The following DGKB variants were observed in gnomAD, a reference collection of about 807,000 sequenced individuals.
The protein encoded by DGKB is diacylglycerol kinase beta.
Under a neutral mutation model 114.3 loss-of-function variants are expected in DGKB, and 67 were observed. That is an observed-to-expected ratio of 0.59 (90% CI 0.48 to 0.72). The LOEUF is 0.72. Ranked by LOEUF, DGKB falls within the 30% of genes least tolerant of loss-of-function variation. The pLI, the probability that DGKB is intolerant of heterozygous loss-of-function variation, is 0.00. For synonymous variants in DGKB, 398 were observed against 323.1 expected, an observed-to-expected ratio of 1.23 and a Z score of -2.49; for missense variants, 907 against 975.2, an observed-to-expected ratio of 0.93 and a Z score of 0.93.
chr7:14,607,567 TA>T, intron 16 of DGKB, 59 bp from the exon 17 acceptor site: 1 of 724,652 alleles, frequency 1.4e-6, no homozygotes, highest in Non-Finnish European at 2.4e-6. Context: ...TTAAAATAAG[TA>T]ATGTCTCTCA....
At chr7:14,568,994 C>T (rs1295347145) in intron 20 of DGKB, among the ~76,000 whole-genome samples, 2 of 152,156 alleles carry the variant, frequency 1.3e-5, no homozygotes, top group Admixed American at 6.5e-5. Context: ...AGATGCATCC[C>T]ATATGCTTTA....
At chr7:14,899,411 T>G (rs140230514) in intron 1 of DGKB, among the ~76,000 whole-genome samples, 1,756 of 152,200 alleles carry the variant, frequency 0.012, 24 homozygotes, top group Non-Finnish European at 0.016. Flanking sequence ...TAAAGAGATG[T>G]TTTGAGTCTG....
intron 8 of DGKB, among the ~76,000 whole-genome samples, chr7:14,696,539 C>A (rs6958718): frequency 0.037 from 4,805 of 130,806 alleles, 298 homozygotes; most frequent in African/African-American, 0.12. Flanking sequence ...AAAAAGAAAC[C>A]TGAATGGAAA....
chr7:14,433,898 A>G (rs560921713), intron 21 of DGKB, among the ~76,000 whole-genome samples: 2 of 152,204 alleles, frequency 1.3e-5, no homozygotes, highest in African/African-American at 2.4e-5. Context: ...TAGCCCAAAG[A>G]TAATTTTATA....
At chr7:14,442,786 T>C (rs541508761) in intron 21 of DGKB, among the ~76,000 whole-genome samples, 2 of 152,272 alleles carry the variant, frequency 1.3e-5, no homozygotes, top group African/African-American at 4.8e-5. Flanking sequence ...GCTGAAGCCA[T>C]CCTCCTGCCT....
chr7:14,570,575 T>C (rs1225487440), intron 20 of DGKB, among the ~76,000 whole-genome samples: 1 of 152,116 alleles, frequency 6.6e-6, no homozygotes, highest in Non-Finnish European at 1.5e-5. Context: ...TATTATATAC[T>C]GTATTCTTAC....
intron 8 of DGKB, among the ~76,000 whole-genome samples, chr7:14,697,273 T>G (rs1162693016): frequency 3.9e-5 from 6 of 152,164 alleles, no homozygotes; most frequent in Non-Finnish European, 5.9e-5. Flanking sequence ...GGCAAGTAAT[T>G]TTAACATATT....
intron 2 of DGKB, among the ~76,000 whole-genome samples, chr7:14,827,463 A>G (rs984358275): frequency 1.3e-5 from 2 of 151,814 alleles, no homozygotes; most frequent in African/African-American, 4.8e-5. Context: ...AGACAGACAG[A>G]CTAACTACAC....
intron 15 of DGKB, 51 bp downstream of exon 15, chr7:14,621,327 T>G (rs1807601420): frequency 9.0e-7 from 1 of 1,105,520 alleles, no homozygotes. Flanking sequence ...CTTTAGAGCC[T>G]AGAAGTATCA....
intron 25 of DGKB, among the ~76,000 whole-genome samples, chr7:14,166,430 G>C (rs1355120778): frequency 1.3e-5 from 2 of 152,116 alleles, no homozygotes; most frequent in African/African-American, 4.8e-5. Flanking sequence ...ATGAAAATGG[G>C]GAATAATCTA....
At chr7:14,619,475 G>C (rs558750113) in intron 15 of DGKB, among the ~76,000 whole-genome samples, 24 of 151,426 alleles carry the variant, frequency 1.6e-4, no homozygotes, top group African/African-American at 5.1e-4. Context: ...TTTGATGTCC[G>C]GGCAAATTGA....
Position 14,176,849 on chromosome 7 carries a change from G to A in DGKB, c.2294C>T (p.Thr765Ile). The change falls in exon 25 of 26, where the codon ACC becomes ATC. Residue 765 changes from threonine to isoleucine, a missense_variant. Thr to Ile is a moderately conservative substitution (Grantham distance 89). Transcript: ENST00000402815. ...CTACTCTGTACTCACTGTGCATGGG[G>A]TCTGCATCCATGGCTCCCCATCAAT... ...MQIDGEPWMQ[T>I]PCTIKITHKN... 1 of 1,613,900 alleles carries A rather than the reference G, an allele frequency of 6.2e-7. No individual in the cohort carries two copies. Among genetic ancestry groups the A allele is most frequent in the South Asian group, 1.1e-5 (1 of 91,084 alleles).
intron 1 of DGKB, among the ~76,000 whole-genome samples, chr7:14,970,361 G>A (rs1353283414): frequency 6.6e-6 from 1 of 151,912 alleles, no homozygotes; most frequent in Non-Finnish European, 1.5e-5. Flanking sequence ...CAAACAAATA[G>A]TATGGTTTCC....
rs374209665 is a variant in DGKB, at chr7:14,884,208, T to C, written c.-188+18384A>G. On this transcript the variant is annotated intron_variant, in intron 1 of 25. Transcript: ENST00000402815. ...TCAGCCATGTTCCAATAAAACTTTA[T>C]TTACAAATACAATCAGACCCTTGTT... Among the ~76,000 whole-genome samples the C allele has an allele frequency of 3.3e-5, 5 of 152,084 alleles. No individual in the cohort carries two copies. In the East Asian group the frequency reaches 5.8e-4, roughly 18 times the overall value.
At chr7:14,374,497 G>A (rs1388160875) in intron 21 of DGKB, among the ~76,000 whole-genome samples, 1 of 152,122 alleles carries the variant, frequency 6.6e-6, no homozygotes, top group African/African-American at 2.4e-5. Flanking sequence ...ATCAAGTCTT[G>A]CCAACTCCAC....
At chr7:14,859,316 T>C (rs1321632352) in intron 1 of DGKB, among the ~76,000 whole-genome samples, 1 of 152,138 alleles carries the variant, frequency 6.6e-6, no homozygotes, top group African/African-American at 2.4e-5. Flanking sequence ...AGTCTGAGGC[T>C]CCTTTGTCAG....
chr7:14,360,369 G>A (rs960376785), intron 21 of DGKB, among the ~76,000 whole-genome samples: 7 of 151,938 alleles, frequency 4.6e-5, no homozygotes, highest in South Asian at 4.2e-4. Flanking sequence ...TGTAAGTGAC[G>A]AGTTAATGGG....
At chr7:14,528,820 A>G (rs1791073004) in intron 20 of DGKB, among the ~76,000 whole-genome samples, 2 of 152,124 alleles carry the variant, frequency 1.3e-5, no homozygotes, top group South Asian at 2.1e-4. Flanking sequence ...TATAAAATAC[A>G]GAAGTGCCAC....
At chr7:14,633,428 T>C (rs897416174) in intron 13 of DGKB, among the ~76,000 whole-genome samples, 37 of 151,992 alleles carry the variant, frequency 2.4e-4, no homozygotes, top group African/African-American at 8.9e-4. Flanking sequence ...AAAACCAACA[T>C]ATATCTAACC....
Sources: allele counts gnomAD v4.1 joint callset (sites outside exome capture counted in the v4.1 genomes callset), GRCh38; gene constraint gnomAD v4.1.1; transcripts MANE v1.5; gene names NCBI Gene and HGNC (gene_info 2026-07-23, HGNC 2026-07-21).